The following EBF1 variants were observed in gnomAD, a reference collection of about 807,000 sequenced individuals.
The protein encoded by EBF1 is EBF transcription factor 1.
A neutral mutation model predicts 68.4 loss-of-function variants in EBF1; 10 were observed. The ratio of observed to expected loss-of-function variants is 0.15; its 90% CI spans 0.09 to 0.25. The LOEUF (loss-of-function observed/expected upper bound fraction) is 0.25, where lower values mean the gene tolerates loss of function less well. EBF1 is among the 10% of genes least tolerant of loss of function. The pLI, the probability that EBF1 is intolerant of heterozygous loss-of-function variation, is 1.00. For missense variants in EBF1, 509 were observed against 794.4 expected (o/e 0.64, Z 4.32); for synonymous variants, 298 against 299.8 (o/e 0.99, Z 0.06).
intron 6 of EBF1, among the ~76,000 whole-genome samples, chr5:159,012,535 G>A (rs1212573426): frequency 6.6e-6 from 1 of 151,510 alleles, no homozygotes; most frequent in African/African-American, 2.4e-5. Context: ...CAGGCTGGAT[G>A]GAGTGCAGTG....
intron 11 of EBF1, among the ~76,000 whole-genome samples, chr5:158,724,656 G>A (rs143301149): frequency 1.6e-3 from 238 of 152,256 alleles, no homozygotes; most frequent in African/African-American, 5.2e-3. Context: ...TTTAGGTCTC[G>A]TCTCTCCACT....
chr5:158,771,165 C>T (rs1000879231), intron 10 of EBF1, among the ~76,000 whole-genome samples: 11 of 152,102 alleles, frequency 7.2e-5, no homozygotes, highest in Non-Finnish European at 1.5e-4. Flanking sequence ...TAACATCAAA[C>T]TCTAATGACA....
intron 11 of EBF1, 147 bp from the exon 12 acceptor site, chr5:158,714,329 A>T: frequency 1.3e-6 from 1 of 798,128 alleles, no homozygotes; most frequent in Non-Finnish European, 2.1e-6. Context: ...AAGGGTGTTA[A>T]ATCACCAATT....
At chr5:158,789,444 A>T (rs1778134893) in intron 9 of EBF1, among the ~76,000 whole-genome samples, 1 of 152,174 alleles carries the variant, frequency 6.6e-6, no homozygotes, top group Non-Finnish European at 1.5e-5. Context: ...GGTGGTATAG[A>T]TAAGTCTTCA....
At chr5:159,095,927 G>A (rs1474685325) in intron 3 of EBF1, among the ~76,000 whole-genome samples, 2 of 152,220 alleles carry the variant, frequency 1.3e-5, no homozygotes, top group Non-Finnish European at 2.9e-5. Flanking sequence ...CTGCAGCTGG[G>A]ACTGGGATGG....
At chr5:158,791,623 T>C (rs1778622470) in intron 9 of EBF1, among the ~76,000 whole-genome samples, 1 of 152,058 alleles carries the variant, frequency 6.6e-6, no homozygotes, top group Non-Finnish European at 1.5e-5. Context: ...ATTGTATAAA[T>C]TCTGTGATAA....
At chr5:158,807,990 C>T (rs1409364595) in intron 8 of EBF1, among the ~76,000 whole-genome samples, 1 of 152,134 alleles carries the variant, frequency 6.6e-6, no homozygotes, top group Non-Finnish European at 1.5e-5. Context: ...ACCGAGGCTG[C>T]CATTGCTAAC....
intron 6 of EBF1, among the ~76,000 whole-genome samples, chr5:158,963,588 C>T (rs1753500392): frequency 6.6e-6 from 1 of 152,150 alleles, no homozygotes; most frequent in African/African-American, 2.4e-5. Context: ...ATAGAACGAC[C>T]CCAGGGATCC....
intron 6 of EBF1, among the ~76,000 whole-genome samples, chr5:159,062,425 C>T (rs1340645614): frequency 1.4e-5 from 2 of 147,536 alleles, no homozygotes; most frequent in African/African-American, 5.0e-5. Context: ...CTTCAAGCCC[C>T]TTCTTTCAGA....
At chr5:158,969,600 CAAA>C (rs61084099) in intron 6 of EBF1, among the ~76,000 whole-genome samples, 2 of 49,248 alleles carry the variant, frequency 4.1e-5, no homozygotes, top group Non-Finnish European at 4.0e-5. Context: ...CCCATCTCTA[CAAA>C]AAAAAAAAAA....
chr5:159,026,050 A>G (rs973582632), intron 6 of EBF1, among the ~76,000 whole-genome samples: 3 of 152,200 alleles, frequency 2.0e-5, no homozygotes, highest in Non-Finnish European at 4.4e-5. Context: ...GCATGGTGGG[A>G]GAGATTTCCT....
At chr5:158,969,474 C>T (rs560698445) in intron 6 of EBF1, among the ~76,000 whole-genome samples, 28 of 151,756 alleles carry the variant, frequency 1.8e-4, no homozygotes, top group Admixed American at 1.8e-3. Flanking sequence ...CCTAGAAAGA[C>T]TGCTAGGGGC....
chr5:158,770,798 C>G (rs952113962), intron 10 of EBF1, among the ~76,000 whole-genome samples: 4 of 152,116 alleles, frequency 2.6e-5, no homozygotes, highest in African/African-American at 9.7e-5. Flanking sequence ...AGAAATATCT[C>G]TAACTGACTG....
chr5:158,707,356 G>A (rs969774032), intron 15 of EBF1, among the ~76,000 whole-genome samples: 4 of 152,220 alleles, frequency 2.6e-5, no homozygotes, highest in Non-Finnish European at 4.4e-5. Flanking sequence ...AAATGCAATG[G>A]TGGGAAAGCG....
At chr5:158,877,735 A>G (rs2128080359) in intron 6 of EBF1, among the ~76,000 whole-genome samples, 1 of 152,164 alleles carries the variant, frequency 6.6e-6, no homozygotes, top group Non-Finnish European at 1.5e-5. Context: ...TTGGTATTAT[A>G]TTTTGAAAAC....
rs143813435 is a variant in EBF1, at chr5:158,706,368, C to T, written c.1744+1611G>A. Among the ~76,000 whole-genome samples the T allele has an allele frequency of 3.5e-3, 540 of 152,146 alleles. 3 individuals are homozygous for T. Among genetic ancestry groups the T allele is most frequent in the African/African-American group, 0.012 (507 of 41,500 alleles). On this transcript the variant is annotated intron_variant, in intron 15 of 15. Transcript: ENST00000313708. ...CCTGGAGGCAGAAAGACAACGTGAT[C>T]GGGTGCTCAGGCTCTGGGGTCACAT...
chr5:158,870,267 C>A (rs1289718681), intron 6 of EBF1, among the ~76,000 whole-genome samples: 2 of 152,160 alleles, frequency 1.3e-5, no homozygotes, highest in Non-Finnish European at 2.9e-5. Flanking sequence ...TCCACCATTA[C>A]TAGATGTCAT....
Position 158,931,095 on chromosome 5 carries a change from A to T in EBF1, c.555-90985T>A, listed in dbSNP as rs1164158055. Reference sequence around the variant, plus strand: ...TGCACAGCAAACTCTTCATCAAAGCAGCAGGTCCAGTCCCATATCTCACCT... The same window carrying T: ...TGCACAGCAAACTCTTCATCAAAGCTGCAGGTCCAGTCCCATATCTCACCT... On this transcript the variant is annotated intron_variant, in intron 6 of 15. Transcript: ENST00000313708. Among the ~76,000 whole-genome samples, 6 of 152,376 alleles carry T rather than the reference A, an allele frequency of 3.9e-5. No homozygotes were observed. In the East Asian group the frequency reaches 1.2e-3, roughly 29 times the overall value.
intron 6 of EBF1, among the ~76,000 whole-genome samples, chr5:158,885,655 C>T (rs1799896530): frequency 6.6e-6 from 1 of 152,144 alleles, no homozygotes; most frequent in Admixed American, 6.5e-5. Context: ...TCATCAAATC[C>T]TCAACAATGA....
Sources: gnomAD v4.1 joint callset for allele counts (sites outside exome capture counted in the v4.1 genomes callset) on GRCh38, gnomAD v4.1.1 for gene constraint, MANE v1.5 for transcripts, NCBI Gene and HGNC (gene_info 2026-07-23, HGNC 2026-07-21) for gene names.